AGBL2: variants seen among roughly 807,000 people sequenced by gnomAD.
The protein encoded by AGBL2 is cytosolic carboxypeptidase 2.
Under a neutral mutation model 103.0 loss-of-function variants are expected in AGBL2, and 87 were observed. The ratio of observed to expected loss-of-function variants is 0.84; its 90% CI spans 0.71 to 1.01. The LOEUF is 1.01. Ranked by LOEUF, AGBL2 falls within the 50% of genes least tolerant of loss-of-function variation. The pLI is 0.00. For missense variants in AGBL2, 904 were observed against 1,023.5 expected (o/e 0.88, Z 1.59); for synonymous variants, 335 against 356.7 (o/e 0.94, Z 0.69).
chr11:47,661,386 C>T (rs1269228780), intron 18 of AGBL2, among the ~76,000 whole-genome samples: 1 of 151,910 alleles, frequency 6.6e-6, no homozygotes, highest in Non-Finnish European at 1.5e-5. Flanking sequence ...GACTGAAACT[C>T]TCTTTAATTT....
At chr11:47,669,654 A>G (rs2097351308) in intron 14 of AGBL2, among the ~76,000 whole-genome samples, 1 of 151,740 alleles carries the variant, frequency 6.6e-6, no homozygotes, top group African/African-American at 2.4e-5. Flanking sequence ...ACTCCAGCCT[A>G]AGCAACAAGA....
At chr11:47,663,544 T>C (rs893564988) in intron 17 of AGBL2, among the ~76,000 whole-genome samples, 2 of 151,426 alleles carry the variant, frequency 1.3e-5, no homozygotes, top group Non-Finnish European at 2.9e-5. Context: ...CAGTGAGGCC[T>C]CATTATAGTA....
Position 47,682,113 on chromosome 11 carries a change from T to A in AGBL2, c.1789-18A>T, listed in dbSNP as rs1041796508. The A allele has an allele frequency of 5.0e-6, 8 of 1,608,254 alleles. No individual in the cohort carries two copies. The African/African-American group carries it at 1.1e-4, about 22-fold the overall frequency. On this transcript the variant is annotated intron_variant, in intron 11 of 18. Transcript: ENST00000525123. The stretch of plus-strand genomic sequence containing the variant: ...AAAGAGAACTAAAAAGAAATCCAAA[T>A]TTTCTGTTAATCATAAATCAGCAAA...
chr11:47,707,364 T>C (rs1406582857), intron 4 of AGBL2, among the ~76,000 whole-genome samples: 1 of 152,144 alleles, frequency 6.6e-6, no homozygotes, highest in Non-Finnish European at 1.5e-5. Flanking sequence ...AGAAAGAGGT[T>C]TAATGGACTT....
In AGBL2 at chr11:47,710,183, C is replaced by T. The variant is rs150045003; in HGVS notation, c.232+194G>A. On this transcript the variant is annotated intron_variant, in intron 4 of 18. Coordinates refer to ENST00000525123, the MANE Select transcript of AGBL2 (RefSeq NM_024783.4). ...AGATTACAGGCGTGATCACCATGCC[C>T]GGCTAGAAAATACAGTATTTTGATT... 336 of 641,564 alleles carry T rather than the reference C, an allele frequency of 5.2e-4. 4 individuals carry two copies. The East Asian group carries it at 7.6e-3, about 14-fold the overall frequency. 39.7% of individuals were successfully genotyped at this position (641,564 alleles called of 1,614,324 possible). A position where few individuals can be genotyped will look rare whatever the true frequency, so the allele number is the denominator to read the frequency against.
chr11:47,705,799 C>T, intron 5 of AGBL2, 65 bp downstream of exon 5: 1 of 1,380,830 alleles, frequency 7.2e-7, no homozygotes. Context: ...GTGGGAACAG[C>T]AGGTGATGAA....
chr11:47,698,266 A>G (rs777181546), intron 8 of AGBL2, among the ~76,000 whole-genome samples: 4 of 139,490 alleles, frequency 2.9e-5, no homozygotes, highest in Non-Finnish European at 6.0e-5. Context: ...TCTGCTTCCC[A>G]GGTTCAAGAG....
At chr11:47,713,053 A>G (rs1288930538) in intron 3 of AGBL2, among the ~76,000 whole-genome samples, 1 of 151,108 alleles carries the variant, frequency 6.6e-6, no homozygotes, top group Non-Finnish European at 1.5e-5. Context: ...AAGAATAAAA[A>G]AAACACTGGG....
Position 47,692,245 on chromosome 11 carries a change from C to T in AGBL2, c.706G>A (p.Gly236Ser), listed in dbSNP as rs2097450338. 1 of 1,613,304 alleles carries T rather than the reference C, an allele frequency of 6.2e-7. No homozygotes were observed. Among genetic ancestry groups the T allele is most frequent in the African/African-American group, 1.3e-5 (1 of 74,810 alleles). The stretch of plus-strand genomic sequence containing the variant: ...ACTCTGGAACTGGTAAAATAGGAAC[C>T]TTCTATAGGCACTGCAGAGAAAAGA... The part of the protein sequence containing the change: ...VYQLDSVPIE[G>S]SYFTSSRVGG... The change falls in exon 9 of 19, where the codon GGT becomes AGT. Residue 236 changes from glycine (G) to serine (S), a missense_variant. Physicochemically the swap from Gly to Ser is moderately conservative, Grantham distance 56. Coordinates refer to ENST00000525123, the MANE Select transcript of AGBL2 (RefSeq NM_024783.4).
At chr11:47,691,687 A>C (rs1405975339) in intron 9 of AGBL2, among the ~76,000 whole-genome samples, 80 of 129,190 alleles carry the variant, frequency 6.2e-4, no homozygotes, top group Non-Finnish European at 1.9e-4. Flanking sequence ...CAGCCTGGGC[A>C]ACAGAGAGAG....
intron 4 of AGBL2, among the ~76,000 whole-genome samples, chr11:47,708,875 A>G (rs1288809621): frequency 6.6e-6 from 1 of 151,890 alleles, no homozygotes; most frequent in Non-Finnish European, 1.5e-5. Context: ...TAATCCCAGC[A>G]CTTTGGGAGG....
At chr11:47,691,458 TGCACTTTGGGAG>T (rs2097444920) in intron 9 of AGBL2, among the ~76,000 whole-genome samples, 2 of 148,124 alleles carry the variant, frequency 1.4e-5, no homozygotes, top group Non-Finnish European at 3.0e-5. Flanking sequence ...CTGTAATCCC[TGCACTTTGGGAG>T]GCCGAGACGG....
At chr11:47,708,450 AT>A (rs879842867) in intron 4 of AGBL2, among the ~76,000 whole-genome samples, 265 of 144,914 alleles carry the variant, frequency 1.8e-3, no homozygotes, top group Middle Eastern at 3.5e-3. Context: ...TTTGTTGCAA[AT>A]TTTTTTTTTT....
At chr11:47,667,772 A>AAC in intron 15 of AGBL2, 76 bp from the exon 16 acceptor site, 1 of 1,503,644 alleles carries the variant, frequency 6.7e-7, no homozygotes, top group Non-Finnish European at 9.0e-7. Flanking sequence ...CTCTTCATGC[A>AAC]ACACTCAAGA....
chr11:47,688,326 A>C (rs896648332), intron 10 of AGBL2, among the ~76,000 whole-genome samples: 1 of 152,090 alleles, frequency 6.6e-6, no homozygotes, highest in Non-Finnish European at 1.5e-5. Context: ...AAGGAAGTGC[A>C]AAAAAGCCTA....
intron 3 of AGBL2, among the ~76,000 whole-genome samples, chr11:47,713,581 T>A (rs11039353): frequency 1 from 150,760 of 151,308 alleles, 75,107 homozygotes; most frequent in Middle Eastern, 1. Flanking sequence ...TTTATTTTTT[T>A]AAATTTTTAT....
intron 4 of AGBL2, 77 bp downstream of exon 4, chr11:47,710,300 A>T: frequency 6.3e-7 from 1 of 1,584,694 alleles, no homozygotes; most frequent in Non-Finnish European, 8.6e-7. Flanking sequence ...CCCATGTTAG[A>T]GCAGATTCTT....
intron 7 of AGBL2, among the ~76,000 whole-genome samples, chr11:47,702,179 C>T (rs1267275492): frequency 6.6e-6 from 1 of 152,040 alleles, no homozygotes; most frequent in Admixed American, 6.6e-5. Context: ...CAAATAAACT[C>T]TACTTTTATT....
At position 47,685,968 on chromosome 11, in the gene AGBL2, ACAGC is replaced by A; in HGVS notation, c.1709_1712del (p.Gly570ValfsTer17). ...GCCAGTATTTGCGATTGTTGTTATT[ACAGC>A]CATACAGGAAGATATTATTCTTACG... On this transcript the variant is annotated frameshift_variant, in exon 11 of 19. Coordinates refer to ENST00000525123, the MANE Select transcript of AGBL2 (RefSeq NM_024783.4). LOFTEE classifies it high-confidence loss of function. 1 of 1,613,968 alleles carries A rather than the reference ACAGC, an allele frequency of 6.2e-7. No homozygotes were observed. The highest frequency in any genetic ancestry group is 8.5e-7 in the Non-Finnish European group (1 of 1,179,864).
Sources: allele counts gnomAD v4.1 joint callset (sites outside exome capture counted in the v4.1 genomes callset), GRCh38; gene constraint gnomAD v4.1.1; transcripts MANE v1.5; gene names NCBI Gene and HGNC (gene_info 2026-07-23, HGNC 2026-07-21).